Variants in PAPLN observed in about 807,000 individuals in gnomAD.
PAPLN encodes papilin.
PAPLN carries 146 observed loss-of-function variants against 159.0 expected under a neutral mutation model. That is an observed-to-expected ratio of 0.92 (90% confidence interval 0.80 to 1.05). The LOEUF is 1.05. Ranked by LOEUF, PAPLN falls within the 50% of genes least tolerant of loss-of-function variation. The pLI is 0.00. For missense variants in PAPLN, 1,720 were observed against 1,743.9 expected, an observed-to-expected ratio of 0.99 and a Z score of 0.24; for synonymous variants, 734 against 702.9, an observed-to-expected ratio of 1.04 and a Z score of -0.70.
chr14:73,247,839 T>TGTGG (rs1884678042), intron 5 of PAPLN, among the ~76,000 whole-genome samples: 1 of 111,476 alleles, frequency 9.0e-6, no homozygotes, highest in Non-Finnish European at 1.8e-5. Flanking sequence ...TGTGTGTGTG[T>TGTGG]GGTGGCGATC....
chr14:73,263,622 G>T, intron 19 of PAPLN, 23 bp from the exon 20 acceptor site: 1 of 1,613,494 alleles, frequency 6.2e-7, no homozygotes, highest in Non-Finnish European at 8.5e-7. Flanking sequence ...CCAGTCAGCA[G>T]ATCTCACTTC....
intron 26 of PAPLN, among the ~76,000 whole-genome samples, chr14:73,270,215 G>A (rs1594838709): frequency 6.6e-6 from 1 of 152,202 alleles, no homozygotes; most frequent in Admixed American, 6.5e-5. Context: ...GGCAGGCTGC[G>A]CTCCGCTGAC....
At chr14:73,267,132 C>A (rs749281457) in intron 25 of PAPLN, among the ~76,000 whole-genome samples, 1 of 152,108 alleles carries the variant, frequency 6.6e-6, no homozygotes, top group Non-Finnish European at 1.5e-5. Context: ...TTAGCAGCAT[C>A]CAGGGCATCT....
Position 73,272,882 on chromosome 14 carries a change from CA to C in PAPLN, c.*219del, listed in dbSNP as rs1384474843. 7.4e-6 allele frequency: 3 copies of C among 405,780 alleles called. No individual in the cohort carries two copies. Among genetic ancestry groups the C allele is most frequent in the African/African-American group, 2.0e-5 (1 of 48,896 alleles). 25.1% of individuals were successfully genotyped at this position (405,780 alleles called of 1,614,324 possible). On this transcript the variant is annotated 3_prime_UTR_variant, in exon 27 of 27. Coordinates refer to ENST00000644200, the MANE Select transcript of PAPLN (RefSeq NM_001365906.3). ...AGTGTTTGCATCTCTGACATAACCA[CA>C]GGCTGCTGTTTTCAAGAAGAGCAAT...
chr14:73,241,607 G>A (rs577464572), intron 2 of PAPLN, among the ~76,000 whole-genome samples: 3 of 152,210 alleles, frequency 2.0e-5, no homozygotes, highest in Non-Finnish European at 2.9e-5. Context: ...GGGGCTGGGC[G>A]CAGCCTGGGC....
rs767690215 is a variant in PAPLN, at chr14:73,252,143, T to G, written c.967+2T>G. The G allele has an allele frequency of 1.2e-4, 186 of 1,595,220 alleles. No individual in the cohort carries two copies. Among genetic ancestry groups the G allele is most frequent in the Non-Finnish European group, 1.6e-4 (183 of 1,170,882 alleles). ...ACTGCAGCGCGGAGTGTGGCGGAGGTGCGGGCGTGGATGGCCCAGGGGAGG... is the reference window on the plus strand; with the variant it reads ...ACTGCAGCGCGGAGTGTGGCGGAGGGGCGGGCGTGGATGGCCCAGGGGAGG... On this transcript the variant is annotated splice_donor_variant, in intron 10 of 26. Transcript: ENST00000644200. LOFTEE classifies it high-confidence loss of function.
chr14:73,263,314 A>G, intron 19 of PAPLN: 1 of 453,818 alleles, frequency 2.2e-6, no homozygotes, highest in Non-Finnish European at 4.0e-6. Context: ...TGTGTTCCAC[A>G]TGGGTCGAGC....
chr14:73,242,363 A>C (rs1466272988), intron 2 of PAPLN, among the ~76,000 whole-genome samples: 1 of 152,230 alleles, frequency 6.6e-6, no homozygotes, highest in Non-Finnish European at 1.5e-5. Flanking sequence ...CAGTACACCC[A>C]GCCCAGCTCC....
rs551706339 is a variant in PAPLN at position 73,264,488 on chromosome 14, C to T, written c.2987-100C>T. 5 of 1,521,344 alleles carry T rather than the reference C, an allele frequency of 3.3e-6. No homozygotes were observed. The African/African-American group carries it at 4.2e-5, about 13-fold the overall frequency. The allele number at this position is 1,521,344 out of a possible 1,614,324, so 94.2% of individuals were successfully genotyped here. The stretch of plus-strand genomic sequence containing the variant: ...CTGCTGGCAGGGACCACCCTGTGGC[C>T]CTCATTTCTCCGTAAGTCCCTGCTG... On this transcript the variant is annotated intron_variant, in intron 21 of 26. Transcript: ENST00000644200.
At chr14:73,249,873 T>A in intron 5 of PAPLN, 111 bp from the exon 6 acceptor site, 2 of 1,293,964 alleles carry the variant, frequency 1.5e-6, no homozygotes, top group African/African-American at 3.0e-5. Context: ...CTGCGGGGCC[T>A]GCTGCAGGGC....
At chr14:73,257,186 G>A (rs113574372) in intron 14 of PAPLN, among the ~76,000 whole-genome samples, 88 of 152,178 alleles carry the variant, frequency 5.8e-4, no homozygotes, top group African/African-American at 1.7e-3. Flanking sequence ...TGTCCAGGCC[G>A]GTCTTCATCT....
chr14:73,261,431 C>T, intron 18 of PAPLN, 137 bp downstream of exon 18: 2 of 1,285,386 alleles, frequency 1.6e-6, no homozygotes, highest in Non-Finnish European at 2.1e-6. Context: ...TGATTGCCTG[C>T]TAGGTGCCAG....
chr14:73,254,410 G>C, intron 12 of PAPLN, 103 bp from the exon 13 acceptor site: 1 of 1,418,154 alleles, frequency 7.1e-7, no homozygotes, highest in Non-Finnish European at 9.7e-7. Context: ...GGGCAGTTGG[G>C]TGCTATCTGC....
intron 5 of PAPLN, among the ~76,000 whole-genome samples, chr14:73,247,842 T>TGTGTGGG (rs1884680636): frequency 1.7e-5 from 1 of 57,204 alleles, no homozygotes. Context: ...GTGTGTGTGG[T>TGTGTGGG]GGCGATCGTG....
intron 26 of PAPLN, 58 bp downstream of exon 26, chr14:73,268,781 C>T: frequency 1.3e-6 from 2 of 1,504,002 alleles, no homozygotes; most frequent in South Asian, 2.7e-5. Context: ...TTTACTGGTT[C>T]TCAAGGGCTG....
At chr14:73,250,446 C>G (rs754198098) in intron 6 of PAPLN, among the ~76,000 whole-genome samples, 12 of 152,206 alleles carry the variant, frequency 7.9e-5, no homozygotes, top group Non-Finnish European at 1.5e-4. Context: ...CTCCTTGGGT[C>G]CAGCATCAGG....
chr14:73,245,965 TG>T lies in PAPLN; in HGVS notation c.232-104del. On this transcript the variant is annotated intron_variant, in intron 4 of 26. Coordinates refer to ENST00000644200, the MANE Select transcript of PAPLN (RefSeq NM_001365906.3). This position sits in a 1 kb window ranked among gnomAD's most constrained non-coding sequence, Gnocchi z 4.2. ...CGGACTCCACCTCCGGCGGCTCCGATGGGGCAGGCAAGGGAGACTCCTGGGC... is the reference window on the plus strand; with the variant it reads ...CGGACTCCACCTCCGGCGGCTCCGATGGGCAGGCAAGGGAGACTCCTGGGC... The T allele has an allele frequency of 8.6e-7, 1 of 1,165,034 alleles. No homozygotes were observed. The highest frequency in any genetic ancestry group is 1.2e-6 in the Non-Finnish European group (1 of 856,524). 72.2% of individuals were successfully genotyped at this position (1,165,034 alleles called of 1,614,324 possible). A position where few individuals can be genotyped will look rare whatever the true frequency, so the allele number is the denominator to read the frequency against.
chr14:73,252,644 C>A lies in PAPLN; in HGVS notation c.968-5C>A. ...TCTGCCCGCCATGGCTGGGCCTCTG[C>A]GCAGGTCACCAGTCCCGCCTGGTGT... is the stretch of plus-strand genomic sequence containing the variant. On this transcript the variant is annotated splice_region_variant and splice_polypyrimidine_tract_variant and intron_variant, in intron 10 of 26. Coordinates refer to ENST00000644200, the MANE Select transcript of PAPLN (RefSeq NM_001365906.3). 2 of 1,611,864 alleles carry A rather than the reference C, an allele frequency of 1.2e-6. No individual in the cohort carries two copies. Among genetic ancestry groups the A allele is most frequent in the East Asian group, 2.2e-5 (1 of 44,868 alleles).
At chr14:73,264,044 G>A in intron 20 of PAPLN, 167 bp from the exon 21 acceptor site, 1 of 1,537,846 alleles carries the variant, frequency 6.5e-7, no homozygotes, top group Non-Finnish European at 8.7e-7. Context: ...TCCGCTGACA[G>A]GTGTGTGTGA....
Sources: allele counts gnomAD v4.1 joint callset (sites outside exome capture counted in the v4.1 genomes callset), GRCh38; gene constraint gnomAD v4.1.1; non-coding constraint Gnocchi (gnomAD v3.1); transcripts MANE v1.5; gene names NCBI Gene and HGNC (gene_info 2026-07-23, HGNC 2026-07-21).